POR: variants seen among roughly 807,000 people sequenced by gnomAD.
The protein encoded by POR is NADPH--cytochrome P450 reductase.
In POR, 56 loss-of-function variants were observed where a neutral mutation model predicts 84.0. The observed-to-expected ratio is 0.67, with a 90% CI of 0.54 to 0.83. POR has a LOEUF of 0.83. Among genes scored for constraint, POR ranks in the 40% least tolerant of loss-of-function variants. The pLI, the probability that POR is intolerant of heterozygous loss-of-function variation, is 0.00. For missense variants in POR, 938 were observed against 944.3 expected (o/e 0.99, Z 0.09); for synonymous variants, 414 against 400.5 (o/e 1.03, Z -0.40).
intron 7 of POR, 88 bp downstream of exon 7, chr7:75,981,694 C>T (rs1789056164): frequency 2.7e-6 from 3 of 1,129,304 alleles, no homozygotes; most frequent in South Asian, 1.4e-5. Context: ...GGCAGTGGGT[C>T]GCAGCAAGGT....
At chr7:75,919,378 C>CGT (rs1458787395) in intron 1 of POR, among the ~76,000 whole-genome samples, 3 of 136,262 alleles carry the variant, frequency 2.2e-5, no homozygotes, top group African/African-American at 1.0e-4. Context: ...TGCATCTGTG[C>CGT]GTGCGTGTGT....
intron 10 of POR, 26 bp downstream of exon 10, chr7:75,983,882 G>A (rs1347187520): frequency 1.3e-6 from 2 of 1,556,640 alleles, no homozygotes; most frequent in Non-Finnish European, 8.7e-7. Context: ...AGGGCGCCCT[G>A]CCGGGCTCAG....
Position 75,986,483 on chromosome 7 carries a change from GGCCT to G in POR, c.*10_*13del. The G allele has an allele frequency of 6.2e-7, 1 of 1,607,218 alleles. No homozygotes were observed. The highest frequency in any genetic ancestry group is 8.5e-7 in the Non-Finnish European group (1 of 1,179,272). On this transcript the variant is annotated 3_prime_UTR_variant, in exon 16 of 16. Coordinates refer to ENST00000461988, the MANE Select transcript of POR (RefSeq NM_000941.3). ...TACTCCCTGGACGTGTGGAGCTAGG[GGCCT>G]GCCTGCCCCACCCACCCCACAGACT...
At position 75,984,963 on chromosome 7, in the gene POR, GC is replaced by G. The variant is rs797045899; in HGVS notation, c.1248+10del. Reference sequence around the variant, plus strand: ...TCCTCCTCCGGCGAGGGCAAGGTGCGCCCCCTCAGCCCCCGCAACCTCCGCC... The same window carrying G: ...TCCTCCTCCGGCGAGGGCAAGGTGCGCCCCTCAGCCCCCGCAACCTCCGCC... On this transcript the variant is annotated splice_donor_region_variant and intron_variant, in intron 11 of 15. Transcript: ENST00000461988. 2.2e-5 allele frequency: 35 copies of G among 1,577,178 alleles called. No homozygotes were observed. The highest frequency in any genetic ancestry group is 2.8e-5 in the Non-Finnish European group (33 of 1,160,294).
intron 1 of POR, among the ~76,000 whole-genome samples, chr7:75,939,131 C>T (rs1554551193): frequency 6.6e-6 from 1 of 152,238 alleles, no homozygotes; most frequent in Admixed American, 6.5e-5. Flanking sequence ...TCTGCTCCTG[C>T]CTGAACCCAC....
intron 3 of POR, among the ~76,000 whole-genome samples, chr7:75,976,720 C>G (rs1226597564): frequency 6.6e-6 from 1 of 151,704 alleles, no homozygotes; most frequent in Non-Finnish European, 1.5e-5. Flanking sequence ...GCACTCCAGC[C>G]TAGGCGACAA....
intron 2 of POR, among the ~76,000 whole-genome samples, chr7:75,955,838 G>T (rs1787662119): frequency 6.6e-6 from 1 of 152,170 alleles, no homozygotes; most frequent in South Asian, 2.1e-4. Flanking sequence ...ATTCTCCAAG[G>T]CTGGGCATGG....
At position 75,983,790 on chromosome 7, in the gene POR, G is replaced by C. The variant is rs562241770; in HGVS notation, c.1000G>C (p.Val334Leu). 6.2e-7 allele frequency: 1 copy of C among 1,612,360 alleles called. No individual in the cohort carries two copies. Among genetic ancestry groups the C allele is most frequent in the Admixed American group, 1.7e-5 (1 of 59,938 alleles). The change falls in exon 10 of 16, where the codon GTC (valine) becomes CTC (leucine). Residue 334 changes from valine (V) to leucine (L), a missense_variant. Val to Leu is a conservative substitution (Grantham distance 32, BLOSUM62 1). Coordinates refer to ENST00000461988, the MANE Select transcript of POR (RefSeq NM_000941.3). ...GTACCCAGCCAACGACTCTGCTCTC[G>C]TCAACCAGCTGGGCAAAATCCTGGG...
intron 3 of POR, among the ~76,000 whole-genome samples, chr7:75,972,980 G>A (rs918751102): frequency 4.6e-5 from 7 of 151,864 alleles, no homozygotes; most frequent in African/African-American, 1.5e-4. Context: ...GTGCCACCAC[G>A]CCCAGCTAAT....
intron 1 of POR, among the ~76,000 whole-genome samples, chr7:75,922,099 T>C (rs991828084): frequency 7.9e-5 from 12 of 152,152 alleles, no homozygotes; most frequent in African/African-American, 2.9e-4. Flanking sequence ...CTCCCCTCCC[T>C]AGTGGCAATA....
intron 1 of POR, among the ~76,000 whole-genome samples, chr7:75,948,247 G>A (rs1787266001): frequency 6.6e-6 from 1 of 152,218 alleles, no homozygotes; most frequent in Non-Finnish European, 1.5e-5. Flanking sequence ...CACCGCACCT[G>A]TCTTCTCTCA....
intron 1 of POR, among the ~76,000 whole-genome samples, chr7:75,934,536 T>C (rs77459935): frequency 0.016 from 2,451 of 152,150 alleles, 65 homozygotes; most frequent in East Asian, 0.13. Flanking sequence ...GAGCGATTTG[T>C]AGATTTAAAA....
Position 75,979,599 on chromosome 7 carries a change from T to G in POR, c.366+20T>G. ...GACCTGGTAAGCTGCCACCGCGTGCTGGCCCCAGATGGAGGCAGTGGGTAG... is the reference window on the plus strand; with the variant it reads ...GACCTGGTAAGCTGCCACCGCGTGCGGGCCCCAGATGGAGGCAGTGGGTAG... On this transcript the variant is annotated intron_variant, in intron 4 of 15. Transcript: ENST00000461988. The G allele has an allele frequency of 4.3e-6, 7 of 1,611,724 alleles. No homozygotes were observed. Among genetic ancestry groups the G allele is most frequent in the Non-Finnish European group, 5.9e-6 (7 of 1,179,454 alleles).
chr7:75,932,182 CT>C (rs67962805), intron 1 of POR, among the ~76,000 whole-genome samples: 10,224 of 142,628 alleles, frequency 0.072, 880 homozygotes, highest in African/African-American at 0.22. Flanking sequence ...TTCAGAAATT[CT>C]TTTTTTTTTT....
In POR at chr7:75,923,281, C is replaced by T. The variant is rs144305301; in HGVS notation, c.-5+8102C>T. ...TTGGAAGACCTCATTCATGAAATTG[C>T]CTTCCCAAGGAAGCATTTCCAGGAG... On this transcript the variant is annotated intron_variant, in intron 1 of 15. Coordinates refer to ENST00000461988, the MANE Select transcript of POR (RefSeq NM_000941.3). The T allele has an allele frequency of 8.4e-5, 104 of 1,236,120 alleles. No individual in the cohort carries two copies. The African/African-American group carries it at 1.1e-3, about 13-fold the overall frequency. 76.6% of individuals were successfully genotyped at this position (1,236,120 alleles called of 1,614,324 possible).
intron 3 of POR, among the ~76,000 whole-genome samples, chr7:75,977,771 C>T (rs934784317): frequency 1.1e-4 from 16 of 152,154 alleles, no homozygotes; most frequent in African/African-American, 3.9e-4. Flanking sequence ...GAGCGAGACT[C>T]CGTCTCACAC....
intron 1 of POR, among the ~76,000 whole-genome samples, chr7:75,951,161 G>A (rs1424107748): frequency 4.7e-5 from 7 of 148,350 alleles, no homozygotes; most frequent in East Asian, 2.0e-4. Context: ...TTGGGAAGCC[G>A]AAGCAGGCAG....
chr7:75,924,193 A>G (rs1387074770), intron 1 of POR, among the ~76,000 whole-genome samples: 1 of 152,202 alleles, frequency 6.6e-6, no homozygotes, highest in Non-Finnish European at 1.5e-5. Flanking sequence ...TGAAATATAC[A>G]TAGGAAGAAA....
rs28801801 is a variant in POR, at chr7:75,933,385, T to G, written c.-5+18206T>G. ...TATACAATAGGTCTTTGTTTTTTTT[T>G]TTTTTTTTTTTTTTTTTTTTTGAGC... On this transcript the variant is annotated intron_variant, in intron 1 of 15. Coordinates refer to ENST00000461988, the MANE Select transcript of POR (RefSeq NM_000941.3). Among the ~76,000 whole-genome samples, 1,003 of 82,314 alleles carry G rather than the reference T, an allele frequency of 0.012. 11 individuals carry two copies. The African/African-American group carries it at 0.15, about 12-fold the overall frequency. The allele number at this position is 82,314 out of a possible 152,430, so 54.0% of individuals were successfully genotyped here. A position where few individuals can be genotyped will look rare whatever the true frequency, so the allele number is the denominator to read the frequency against.
Sources: allele counts gnomAD v4.1 joint callset (sites outside exome capture counted in the v4.1 genomes callset), GRCh38; gene constraint gnomAD v4.1.1; transcripts MANE v1.5; gene names NCBI Gene and HGNC (gene_info 2026-07-23, HGNC 2026-07-21).